Variants in RALGAPA1 observed in about 807,000 individuals in gnomAD.
The protein encoded by RALGAPA1 is Ral GTPase activating protein catalytic subunit alpha 1, also known as ral GTPase-activating protein subunit alpha-1.
Under a neutral mutation model 269.6 loss-of-function variants are expected in RALGAPA1, and 52 were observed. That is an observed-to-expected ratio of 0.19 (90% CI 0.15 to 0.24). The LOEUF (loss-of-function observed/expected upper bound fraction) is 0.24. Ranked by LOEUF, RALGAPA1 falls within the 10% of genes least tolerant of loss-of-function variation. The pLI is 1.00. For synonymous variants in RALGAPA1, 817 were observed against 1,008.3 expected, an observed-to-expected ratio of 0.81 and a Z score of 3.60; for missense variants, 1,917 against 3,013.9, an observed-to-expected ratio of 0.64 and a Z score of 8.52.
At chr14:35,771,142 C>T (rs1015279038) in intron 3 of RALGAPA1, 143 bp from the exon 4 acceptor site, 23 of 353,944 alleles carry the variant, frequency 6.5e-5, no homozygotes, top group African/African-American at 4.3e-4. Flanking sequence ...ACCTGTAATC[C>T]TAGCGCTTTG....
chr14:35,749,127 C>T (rs2072433590), intron 9 of RALGAPA1, among the ~76,000 whole-genome samples: 1 of 152,086 alleles, frequency 6.6e-6, no homozygotes, highest in Admixed American at 6.6e-5. Flanking sequence ...TTAATCAAAG[C>T]TGGGTGGATG....
intron 6 of RALGAPA1, among the ~76,000 whole-genome samples, chr14:35,760,357 C>T (rs2073598394): frequency 6.6e-6 from 1 of 152,182 alleles, no homozygotes; most frequent in South Asian, 2.1e-4. Flanking sequence ...ACCACCTCCT[C>T]CACACTCACA....
At chr14:35,729,883 C>A (rs927601479) in intron 12 of RALGAPA1, among the ~76,000 whole-genome samples, 19 of 152,108 alleles carry the variant, frequency 1.2e-4, no homozygotes, top group African/African-American at 4.3e-4. Context: ...TGACGGGAAG[C>A]AGAACTAAAT....
chr14:35,571,449 CAGATCACCTGA>C (rs1390959573), intron 38 of RALGAPA1, among the ~76,000 whole-genome samples: 1 of 151,762 alleles, frequency 6.6e-6, no homozygotes, highest in Non-Finnish European at 1.5e-5. Flanking sequence ...TTTGGGAGGC[CAGATCACCTGA>C]AGTCAAGAGT....
chr14:35,700,504 A>G (rs2067252700), intron 16 of RALGAPA1, among the ~76,000 whole-genome samples: 2 of 152,194 alleles, frequency 1.3e-5, no homozygotes, highest in Non-Finnish European at 2.9e-5. Context: ...TTTTGAATAT[A>G]ATTTTTTTAT....
At chr14:35,655,530 T>C (rs1165620564) in intron 29 of RALGAPA1, among the ~76,000 whole-genome samples, 1 of 152,082 alleles carries the variant, frequency 6.6e-6, no homozygotes, top group Non-Finnish European at 1.5e-5. Flanking sequence ...ATATATGTTT[T>C]AAATGGTGGG....
At chr14:35,546,261 T>TA (rs1287316959) in intron 41 of RALGAPA1, among the ~76,000 whole-genome samples, 1 of 152,054 alleles carries the variant, frequency 6.6e-6, no homozygotes, top group African/African-American at 2.4e-5. Flanking sequence ...TTCTCGGATT[T>TA]AAATGTCACC....
At chr14:35,808,632 T>G (rs1482685020) in intron 1 of RALGAPA1, 98 bp downstream of exon 1, 3 of 1,351,426 alleles carry the variant, frequency 2.2e-6, no homozygotes, top group Non-Finnish European at 2.1e-6. Flanking sequence ...TGCCCTCTCC[T>G]GCACCGCGCC....
chr14:35,583,017 A>G (rs778122886), intron 37 of RALGAPA1, among the ~76,000 whole-genome samples: 4 of 152,156 alleles, frequency 2.6e-5, no homozygotes, highest in Non-Finnish European at 5.9e-5. Context: ...TATTTACCAG[A>G]GTTCCTTTTA....
Position 35,652,364 on chromosome 14 carries a change from T to TTATATATA in RALGAPA1, c.5608-499_5608-492dup, listed in dbSNP as rs10645179. On this transcript the variant is annotated intron_variant, in intron 30 of 41. Transcript: ENST00000680220. The stretch of plus-strand genomic sequence containing the variant: ...TCTATTGCCTTTCCAGGCCTTTTGT[T>TTATATATA]TATATATATATATATATATACACAC... Among the ~76,000 whole-genome samples, 935 of 147,934 alleles carry TTATATATA rather than the reference T, an allele frequency of 6.3e-3. 11 individuals are homozygous for TTATATATA. The highest frequency in any genetic ancestry group is 0.02 in the African/African-American group (800 of 40,210).
At chr14:35,681,038 AT>A (rs1299518809) in intron 21 of RALGAPA1, among the ~76,000 whole-genome samples, 14 of 152,110 alleles carry the variant, frequency 9.2e-5, no homozygotes, top group Admixed American at 9.2e-4. Flanking sequence ...AGGTTATCTA[AT>A]TTTCATTCTT....
intron 31 of RALGAPA1, 29 bp from the exon 32 acceptor site, chr14:35,635,627 GT>G: frequency 4.7e-6 from 7 of 1,497,896 alleles, no homozygotes; most frequent in Non-Finnish European, 6.2e-6. Flanking sequence ...CATTATAATT[GT>G]ACATTCATAA....
intron 8 of RALGAPA1, among the ~76,000 whole-genome samples, chr14:35,751,180 C>A (rs2072651447): frequency 6.6e-6 from 1 of 152,160 alleles, no homozygotes; most frequent in Non-Finnish European, 1.5e-5. Context: ...GTACACAAGG[C>A]TCTAGGCTCA....
intron 16 of RALGAPA1, among the ~76,000 whole-genome samples, chr14:35,713,685 G>A (rs1470364507): frequency 6.6e-6 from 1 of 152,148 alleles, no homozygotes; most frequent in African/African-American, 2.4e-5. Flanking sequence ...CAATACTATA[G>A]TAATACTAGA....
chr14:35,800,113 GAAAACAGAC>G (rs955996832), intron 1 of RALGAPA1, among the ~76,000 whole-genome samples: 44 of 152,242 alleles, frequency 2.9e-4, no homozygotes, highest in African/African-American at 8.9e-4. Context: ...AAGTTCAAAA[GAAAACAGAC>G]AAAACCCACA....
At position 35,792,649 on chromosome 14, in the gene RALGAPA1, G is replaced by A. The variant is rs182392158; in HGVS notation, c.106+16081C>T. On this transcript the variant is annotated intron_variant, in intron 1 of 41. Coordinates refer to ENST00000680220, the MANE Select transcript of RALGAPA1 (RefSeq NM_001346249.2). ...AATACCAAAACTAGCCGGGTATGGC[G>A]GTGCATGCCTGTAATCCCAGCTACT... Among the ~76,000 whole-genome samples, 7 of 151,852 alleles carry A rather than the reference G, an allele frequency of 4.6e-5. 1 individual carries two copies. The highest frequency in any genetic ancestry group is 2.0e-4 in the East Asian group (1 of 5,076).
intron 41 of RALGAPA1, among the ~76,000 whole-genome samples, chr14:35,547,530 A>ATAG (rs370400828): frequency 4.6e-4 from 70 of 152,306 alleles, no homozygotes; most frequent in African/African-American, 1.7e-3. Context: ...TGGCTTGACT[A>ATAG]TAGGATACAC....
chr14:35,757,941 A>T (rs1217428559), intron 6 of RALGAPA1, among the ~76,000 whole-genome samples: 1 of 152,164 alleles, frequency 6.6e-6, no homozygotes, highest in Non-Finnish European at 1.5e-5. Flanking sequence ...TATTTTAAAA[A>T]TTATTCTTTA....
intron 17 of RALGAPA1, among the ~76,000 whole-genome samples, chr14:35,693,051 G>A (rs2066623680): frequency 6.6e-6 from 1 of 151,866 alleles, no homozygotes; most frequent in Non-Finnish European, 1.5e-5. Context: ...ACAAAGTGAG[G>A]AGTTGTGGTG....
Sources: allele counts gnomAD v4.1 joint callset (sites outside exome capture counted in the v4.1 genomes callset), GRCh38; gene constraint gnomAD v4.1.1; transcripts MANE v1.5; gene names NCBI Gene and HGNC (gene_info 2026-07-23, HGNC 2026-07-21).